Variants in PLD5 observed in about 807,000 individuals in gnomAD.
PLD5 encodes the protein phospholipase D family member 5.
PLD5 carries 36 observed loss-of-function variants against 61.1 expected under a neutral mutation model. The observed-to-expected ratio is 0.59, with a 90% CI of 0.45 to 0.78. PLD5 has a LOEUF of 0.78. Among genes scored for constraint, PLD5 ranks in the 30% least tolerant of loss-of-function variants. PLD5 has a pLI of 0.00. For synonymous variants in PLD5, 243 were observed against 242.8 expected (o/e 1.00, Z -0.01); for missense variants, 515 against 644.4 (o/e 0.80, Z 2.17).
intron 5 of PLD5, among the ~76,000 whole-genome samples, chr1:242,212,136 C>T (rs1185716306): frequency 6.6e-6 from 1 of 152,132 alleles, no homozygotes; most frequent in Non-Finnish European, 1.5e-5. Flanking sequence ...CCATCACCTG[C>T]TTTACCACCT....
chr1:242,251,486 T>C (rs139898855), intron 4 of PLD5, among the ~76,000 whole-genome samples: 1 of 151,326 alleles, frequency 6.6e-6, no homozygotes, highest in East Asian at 2.0e-4. Flanking sequence ...GTCTAAGATA[T>C]TCCCACCGAG....
intron 1 of PLD5, among the ~76,000 whole-genome samples, chr1:242,398,726 C>CA (rs1320126918): frequency 1.3e-5 from 2 of 152,174 alleles, no homozygotes; most frequent in Non-Finnish European, 2.9e-5. Context: ...ACCTAACTCT[C>CA]AAAATTGCCG....
At chr1:242,340,913 G>C (rs1659793216) in intron 2 of PLD5, among the ~76,000 whole-genome samples, 1 of 152,014 alleles carries the variant, frequency 6.6e-6, no homozygotes, top group Non-Finnish European at 1.5e-5. Flanking sequence ...CATTACTGCA[G>C]CTTAAGAACG....
intron 1 of PLD5, among the ~76,000 whole-genome samples, chr1:242,505,260 T>G (rs975814332): frequency 1.2e-4 from 19 of 152,194 alleles, no homozygotes; most frequent in African/African-American, 4.3e-4. Flanking sequence ...GAATCACCAC[T>G]TTTTATTCTG....
chr1:242,323,737 G>T (rs548256708), intron 2 of PLD5, among the ~76,000 whole-genome samples: 1 of 152,026 alleles, frequency 6.6e-6, no homozygotes, highest in Non-Finnish European at 1.5e-5. Context: ...TTTTATTTTT[G>T]CTCCCAGTGT....
intron 1 of PLD5, chr1:242,365,095 G>A (rs1322400283): frequency 1.3e-5 from 2 of 152,078 alleles, no homozygotes; most frequent in East Asian, 1.9e-4. Flanking sequence ...ACAAATTCAC[G>A]ATAAGAAATT....
chr1:242,354,856 GTGTT>G (rs1350958286), intron 1 of PLD5, among the ~76,000 whole-genome samples: 1 of 151,704 alleles, frequency 6.6e-6, no homozygotes, highest in African/African-American at 2.4e-5. Flanking sequence ...ATTTTGTGAA[GTGTT>G]TCTTTCTGCA....
At chr1:242,136,227 C>T (rs558422539) in intron 5 of PLD5, among the ~76,000 whole-genome samples, 13 of 152,336 alleles carry the variant, frequency 8.5e-5, no homozygotes, top group African/African-American at 2.6e-4. Context: ...TTCACCATGT[C>T]GCTCAACCTC....
chr1:242,320,117 C>T (rs1363815017), intron 2 of PLD5, among the ~76,000 whole-genome samples: 4 of 152,140 alleles, frequency 2.6e-5, no homozygotes, highest in African/African-American at 7.2e-5. Context: ...TGACTTGCCA[C>T]GGTCATCTTT....
At chr1:242,414,937 T>C (rs1162653812) in intron 1 of PLD5, among the ~76,000 whole-genome samples, 3 of 152,074 alleles carry the variant, frequency 2.0e-5, no homozygotes, top group East Asian at 1.9e-4. Context: ...TATAGAAAAA[T>C]GCACTGAAGA....
At position 242,451,776 on chromosome 1, in the gene PLD5, C is replaced by T. The variant is rs192647556; in HGVS notation, c.189+72312G>A. On this transcript the variant is annotated intron_variant, in intron 1 of 9. Transcript: ENST00000536534. Reference sequence around the variant, plus strand: ...CGCCCAGTCTAAAATTCTTGAATGGCAACCTACTGGCTGTAAGGTAAAACC... The same window carrying T: ...CGCCCAGTCTAAAATTCTTGAATGGTAACCTACTGGCTGTAAGGTAAAACC... Among the ~76,000 whole-genome samples the T allele has an allele frequency of 5.1e-4, 78 of 152,120 alleles. 1 individual carries two copies. Among genetic ancestry groups the T allele is most frequent in the Middle Eastern group, 3.4e-3 (1 of 294 alleles).
chr1:242,298,836 A>G (rs1298793759), intron 2 of PLD5, among the ~76,000 whole-genome samples: 1 of 152,168 alleles, frequency 6.6e-6, no homozygotes, highest in African/African-American at 2.4e-5. Context: ...CTAACTACTG[A>G]CCCAGAAAGG....
Position 242,165,352 on chromosome 1 carries a change from CT to C in PLD5, c.736-40688del, listed in dbSNP as rs552998539. On this transcript the variant is annotated intron_variant, in intron 5 of 9. Coordinates refer to ENST00000536534, the MANE Select transcript of PLD5 (RefSeq NM_001372062.1). Reference sequence around the variant, plus strand: ...TTATTTATGGGAAATTTAAAAAAGACTGTTCACATCCTTAGTCTGATAACTT... The same window carrying C: ...TTATTTATGGGAAATTTAAAAAAGACGTTCACATCCTTAGTCTGATAACTT... 3.1e-3 allele frequency among the ~76,000 whole-genome samples: 470 copies of C among 151,050 alleles called. 2 individuals carry two copies. Among genetic ancestry groups the C allele is most frequent in the South Asian group, 5.4e-3 (26 of 4,816 alleles).
intron 1 of PLD5, among the ~76,000 whole-genome samples, chr1:242,420,517 A>G (rs1287662355): frequency 1.3e-5 from 2 of 152,188 alleles, no homozygotes; most frequent in Admixed American, 1.3e-4. Flanking sequence ...AGTTAAGTTT[A>G]CTTCTGAACC....
intron 5 of PLD5, among the ~76,000 whole-genome samples, chr1:242,201,922 A>G (rs1483078151): frequency 2.0e-5 from 3 of 152,260 alleles, no homozygotes; most frequent in South Asian, 2.1e-4. Flanking sequence ...CAACATAAAA[A>G]GTGTGTGTGT....
At chr1:242,194,594 C>G (rs1235089797) in intron 5 of PLD5, among the ~76,000 whole-genome samples, 21 of 70,676 alleles carry the variant, frequency 3.0e-4, no homozygotes, top group Non-Finnish European at 4.4e-4. Context: ...ATCTATCTAT[C>G]TATCTATCTA....
At chr1:242,233,544 A>G (rs956292416) in intron 4 of PLD5, among the ~76,000 whole-genome samples, 9 of 147,598 alleles carry the variant, frequency 6.1e-5, no homozygotes, top group African/African-American at 2.0e-4. Context: ...GAAGAGAGAG[A>G]GAGAGGAGTT....
intron 1 of PLD5, among the ~76,000 whole-genome samples, chr1:242,375,674 A>G (rs1232156721): frequency 3.9e-5 from 6 of 152,244 alleles, no homozygotes; most frequent in Non-Finnish European, 2.9e-5. Context: ...AAGAAAACAC[A>G]AAACAAAACC....
intron 4 of PLD5, among the ~76,000 whole-genome samples, chr1:242,232,172 CATAAT>C (rs907319169): frequency 3.3e-5 from 5 of 152,032 alleles, no homozygotes; most frequent in African/African-American, 4.8e-5. Context: ...ACACACATAT[CATAAT>C]ATAATTTCAG....
Sources: gnomAD v4.1 joint callset for allele counts (sites outside exome capture counted in the v4.1 genomes callset) on GRCh38, gnomAD v4.1.1 for gene constraint, MANE v1.5 for transcripts, NCBI Gene and HGNC (gene_info 2026-07-23, HGNC 2026-07-21) for gene names.